HS2ST1: variants seen among roughly 807,000 people sequenced by gnomAD.
HS2ST1 encodes 2-O-sulfotransferase.
In HS2ST1, 18 loss-of-function variants were observed where a neutral mutation model predicts 42.9. The ratio of observed to expected loss-of-function variants is 0.42; its 90% CI spans 0.29 to 0.62. The LOEUF is 0.62. Among genes scored for constraint, HS2ST1 ranks in the 20% least tolerant of loss-of-function variants. The pLI is 0.21. For missense variants in HS2ST1, 334 were observed against 433.8 expected (o/e 0.77, Z 2.04); for synonymous variants, 146 against 152.9 (o/e 0.95, Z 0.33).
intron 1 of HS2ST1, among the ~76,000 whole-genome samples, chr1:86,969,563 A>G (rs1461385828): frequency 2.0e-5 from 3 of 152,312 alleles, no homozygotes; most frequent in Non-Finnish European, 4.4e-5. Flanking sequence ...AGTTGTATAG[A>G]TGTTACTGAA....
intron 1 of HS2ST1, among the ~76,000 whole-genome samples, chr1:86,936,503 T>C (rs540025874): frequency 3.3e-5 from 5 of 152,274 alleles, no homozygotes; most frequent in Admixed American, 6.5e-5. Context: ...CTTTACCAAG[T>C]TTCAGGAGTT....
intron 1 of HS2ST1, among the ~76,000 whole-genome samples, chr1:87,031,635 T>C (rs1469345654): frequency 6.6e-6 from 1 of 152,262 alleles, no homozygotes; most frequent in African/African-American, 2.4e-5. Context: ...ATTTACACTT[T>C]GGTACAAGCT....
At chr1:87,085,315 A>C (rs1180037668) in intron 3 of HS2ST1, among the ~76,000 whole-genome samples, 1 of 152,158 alleles carries the variant, frequency 6.6e-6, no homozygotes, top group Non-Finnish European at 1.5e-5. Flanking sequence ...TTTTTTATAA[A>C]ATTTAAAATA....
intron 1 of HS2ST1, among the ~76,000 whole-genome samples, chr1:86,950,234 C>CT (rs1201685794): frequency 6.6e-6 from 1 of 152,014 alleles, no homozygotes. Context: ...CCATTTTTTT[C>CT]TTTTTGCCAG....
intron 2 of HS2ST1, among the ~76,000 whole-genome samples, chr1:87,078,095 A>G (rs986099011): frequency 2.6e-5 from 4 of 152,366 alleles, no homozygotes; most frequent in South Asian, 2.1e-4. Context: ...TTTGGTAGAT[A>G]GTAATTACTC....
At chr1:86,958,788 A>T (rs1353899356) in intron 1 of HS2ST1, among the ~76,000 whole-genome samples, 1 of 152,226 alleles carries the variant, frequency 6.6e-6, no homozygotes, top group East Asian at 1.9e-4. Context: ...AGAAAGGAAA[A>T]CTAAACTACA....
At chr1:86,991,357 A>G (rs1648948174) in intron 1 of HS2ST1, among the ~76,000 whole-genome samples, 1 of 152,200 alleles carries the variant, frequency 6.6e-6, no homozygotes, top group Non-Finnish European at 1.5e-5. Flanking sequence ...GATAATATTT[A>G]AGGACAGAAA....
chr1:86,976,704 G>GTATGTGTATATATATATATATATA (rs1553134338), intron 1 of HS2ST1, among the ~76,000 whole-genome samples: 33 of 79,708 alleles, frequency 4.1e-4, no homozygotes, highest in African/African-American at 1.2e-3. Flanking sequence ...TTATAAAATT[G>GTATGTGTATATATATATATATATA]TATATATATA....
At chr1:86,950,875 G>C (rs1424640017) in intron 1 of HS2ST1, among the ~76,000 whole-genome samples, 1 of 152,104 alleles carries the variant, frequency 6.6e-6, no homozygotes, top group Non-Finnish European at 1.5e-5. Flanking sequence ...TATGCTGTCT[G>C]CTTAGCAGAC....
intron 2 of HS2ST1, among the ~76,000 whole-genome samples, chr1:87,080,760 C>G (rs575425158): frequency 1.6e-4 from 24 of 152,248 alleles, no homozygotes; most frequent in Admixed American, 2.6e-4. Context: ...AATCTGCACC[C>G]TGGGTAGGGG....
At chr1:87,054,669 C>G (rs1321310226) in intron 1 of HS2ST1, among the ~76,000 whole-genome samples, 1 of 152,174 alleles carries the variant, frequency 6.6e-6, no homozygotes, top group African/African-American at 2.4e-5. Context: ...ACCACAACCC[C>G]TGCATCTAGG....
intron 1 of HS2ST1, among the ~76,000 whole-genome samples, chr1:86,960,187 G>A (rs1647793141): frequency 6.9e-6 from 1 of 145,308 alleles, no homozygotes; most frequent in South Asian, 2.1e-4. Flanking sequence ...TCCACAAGTG[G>A]CACTGGAATA....
chr1:87,071,192 A>C (rs1337258939), intron 1 of HS2ST1, among the ~76,000 whole-genome samples: 1 of 152,188 alleles, frequency 6.6e-6, no homozygotes, highest in African/African-American at 2.4e-5. Flanking sequence ...TTTGAATGCA[A>C]ATCCTCAGCT....
At chr1:86,922,309 C>A (rs1660316877) in intron 1 of HS2ST1, among the ~76,000 whole-genome samples, 1 of 151,170 alleles carries the variant, frequency 6.6e-6, no homozygotes, top group South Asian at 2.1e-4. Context: ...TACATGAGTC[C>A]TACAATACAT....
At chr1:86,971,260 G>A (rs546988483) in intron 1 of HS2ST1, among the ~76,000 whole-genome samples, 1 of 152,112 alleles carries the variant, frequency 6.6e-6, no homozygotes, top group South Asian at 2.1e-4. Context: ...AAGGCCTATA[G>A]AACTCCTCTG....
intron 1 of HS2ST1, among the ~76,000 whole-genome samples, chr1:86,984,151 A>G (rs1648687415): frequency 6.6e-6 from 1 of 152,236 alleles, no homozygotes; most frequent in African/African-American, 2.4e-5. Flanking sequence ...AAAAGTAGGT[A>G]GTATAGATGA....
chr1:86,932,228 C>T (rs1227266170), intron 1 of HS2ST1: 2 of 152,048 alleles, frequency 1.3e-5, no homozygotes, highest in East Asian at 1.9e-4. Flanking sequence ...CACATGTTCT[C>T]ACATATGTGA....
chr1:86,941,118 T>C (rs932965567), intron 1 of HS2ST1, among the ~76,000 whole-genome samples: 8 of 152,336 alleles, frequency 5.3e-5, no homozygotes, highest in Non-Finnish European at 1.2e-4. Flanking sequence ...AGAAGCATCT[T>C]CGTGAATAGT....
At position 87,072,891 on chromosome 1, in the gene HS2ST1, TA is replaced by T. The variant is rs1651452258; in HGVS notation, c.125-42del. On this transcript the variant is annotated intron_variant, in intron 1 of 6. Coordinates refer to ENST00000370550, the MANE Select transcript of HS2ST1 (RefSeq NM_012262.4). The stretch of plus-strand genomic sequence containing the variant: ...AAGTTCAGTGTTCATAACTTCCTTA[TA>T]GTGTCCTTAAAAACTTAGTTCGTAT... 3.7e-6 allele frequency: 5 copies of T among 1,362,546 alleles called. No individual in the cohort carries two copies. In the East Asian group the frequency reaches 1.1e-4, roughly 31 times the overall value. 84.4% of individuals were successfully genotyped at this position (1,362,546 alleles called of 1,614,324 possible).
Sources: gnomAD v4.1 joint callset for allele counts (sites outside exome capture counted in the v4.1 genomes callset) on GRCh38, gnomAD v4.1.1 for gene constraint, MANE v1.5 for transcripts, NCBI Gene and HGNC (gene_info 2026-07-23, HGNC 2026-07-21) for gene names.